EIPR1: variants seen among roughly 807,000 people sequenced by gnomAD.
EIPR1 encodes EARP and GARP complex-interacting protein 1.
In EIPR1, 25 loss-of-function variants were observed where a neutral mutation model predicts 48.1. That is an observed-to-expected ratio of 0.52 (90% confidence interval 0.38 to 0.73). The LOEUF is 0.73. Ranked by LOEUF, EIPR1 falls within the 30% of genes least tolerant of loss-of-function variation. The pLI, the probability that EIPR1 is intolerant of heterozygous loss-of-function variation, is 0.00. For synonymous variants in EIPR1, 204 were observed against 201.9 expected, an observed-to-expected ratio of 1.01 and a Z score of -0.09; for missense variants, 415 against 506.2, an observed-to-expected ratio of 0.82 and a Z score of 1.73.
At chr2:3,311,565 CA>C (rs930661340) in intron 3 of EIPR1, among the ~76,000 whole-genome samples, 2 of 152,132 alleles carry the variant, frequency 1.3e-5, no homozygotes, top group African/African-American at 4.8e-5. Flanking sequence ...TCATTTAGTT[CA>C]AAAAATGTTG....
rs1193596792 is a variant in EIPR1 at position 3,312,533 on chromosome 2, CT to C, written c.259+25483del. Among the ~76,000 whole-genome samples, 10 of 152,298 alleles carry C rather than the reference CT, an allele frequency of 6.6e-5. No homozygotes were observed. The highest frequency in any genetic ancestry group is 6.5e-4 in the Admixed American group (10 of 15,308). ...GTTCCCATGGTCCTCCCAAGGCTCC[CT>C]CCCACCACTCAGCACCTGCTCATCA... is the stretch of plus-strand genomic sequence containing the variant. On this transcript the variant is annotated intron_variant, in intron 3 of 8. Transcript: ENST00000382125. The surrounding 1 kb of genome is among the most constrained non-coding windows in gnomAD (Gnocchi z 5.5).
At chr2:3,340,822 C>A (rs971398730) in intron 2 of EIPR1, among the ~76,000 whole-genome samples, 1 of 152,044 alleles carries the variant, frequency 6.6e-6, no homozygotes, top group African/African-American at 2.4e-5. Context: ...GTAGGCCAGG[C>A]GCGGTGGCTG....
At chr2:3,205,143 C>T (rs756106311) in intron 5 of EIPR1, among the ~76,000 whole-genome samples, 1 of 152,138 alleles carries the variant, frequency 6.6e-6, no homozygotes, top group Non-Finnish European at 1.5e-5. Flanking sequence ...GGTTGTGCAC[C>T]CTGGGCTGCA....
chr2:3,281,269 C>T (rs918779246), intron 3 of EIPR1, among the ~76,000 whole-genome samples: 2 of 151,962 alleles, frequency 1.3e-5, no homozygotes, highest in African/African-American at 4.8e-5. Context: ...GGGACCTGCC[C>T]TCCTTCTCGG....
chr2:3,318,749 C>A, intron 3 of EIPR1: 1 of 436,828 alleles, frequency 2.3e-6, no homozygotes, highest in Non-Finnish European at 4.8e-6. Context: ...CACACCGTTC[C>A]AAACTCTGAA....
At chr2:3,269,800 G>C (rs1667649148) in intron 3 of EIPR1, among the ~76,000 whole-genome samples, 1 of 152,238 alleles carries the variant, frequency 6.6e-6, no homozygotes, top group Non-Finnish European at 1.5e-5. Flanking sequence ...AGCAGGTCCT[G>C]AGGCACAGGC....
At chr2:3,255,396 T>C (rs1339516579) in intron 4 of EIPR1, among the ~76,000 whole-genome samples, 1 of 152,228 alleles carries the variant, frequency 6.6e-6, no homozygotes, top group Non-Finnish European at 1.5e-5. Context: ...TTGGCCAGGC[T>C]GGTCTCGAAC....
At chr2:3,230,424 G>A (rs548163571) in intron 4 of EIPR1, among the ~76,000 whole-genome samples, 10 of 152,258 alleles carry the variant, frequency 6.6e-5, no homozygotes, top group South Asian at 6.2e-4. Flanking sequence ...TTTTCCCATC[G>A]GGGATGCTGA....
intron 1 of EIPR1, among the ~76,000 whole-genome samples, chr2:3,376,230 A>G (rs979250968): frequency 2.0e-5 from 3 of 152,236 alleles, no homozygotes; most frequent in African/African-American, 4.8e-5. Context: ...ATTTAATTTC[A>G]TAACAGCCAT....
At chr2:3,326,630 C>T (rs1286378233) in intron 3 of EIPR1, among the ~76,000 whole-genome samples, 2 of 152,168 alleles carry the variant, frequency 1.3e-5, no homozygotes, top group Non-Finnish European at 2.9e-5. Flanking sequence ...AGAAGCGAGA[C>T]AGAGAAAGGG....
chr2:3,272,121 C>T (rs1667717975), intron 3 of EIPR1, among the ~76,000 whole-genome samples: 1 of 152,234 alleles, frequency 6.6e-6, no homozygotes, highest in African/African-American at 2.4e-5. Flanking sequence ...TCTCACTCCT[C>T]TCAGCCTTCA....
At chr2:3,296,668 C>T (rs1249126977) in intron 3 of EIPR1, among the ~76,000 whole-genome samples, 3 of 151,662 alleles carry the variant, frequency 2.0e-5, no homozygotes, top group Non-Finnish European at 2.9e-5. Context: ...TCTACACACA[C>T]ACCCTCCATC....
chr2:3,339,110 T>A (rs1307192021), intron 2 of EIPR1, among the ~76,000 whole-genome samples: 1 of 152,216 alleles, frequency 6.6e-6, no homozygotes, highest in Admixed American at 6.5e-5. Context: ...TGGAACGATG[T>A]AATATATGTT....
intron 4 of EIPR1, 41 bp from the exon 5 acceptor site, chr2:3,214,289 G>C: frequency 6.3e-7 from 1 of 1,578,132 alleles, no homozygotes; most frequent in Non-Finnish European, 8.7e-7. Context: ...ATAAACATTT[G>C]AGATACCCAG....
chr2:3,372,432 T>C (rs1572494835), intron 1 of EIPR1, among the ~76,000 whole-genome samples: 1 of 151,086 alleles, frequency 6.6e-6, no homozygotes, highest in African/African-American at 2.4e-5. Flanking sequence ...AAAAAATTAA[T>C]GAATCCAGGA....
intron 4 of EIPR1, among the ~76,000 whole-genome samples, chr2:3,220,603 T>C (rs1253284026): frequency 3.3e-5 from 5 of 151,916 alleles, no homozygotes; most frequent in Admixed American, 3.3e-4. Flanking sequence ...TATTTGTGCA[T>C]GTGTACATTT....
At chr2:3,208,763 G>T (rs1311559091) in intron 5 of EIPR1, 1 of 1,548,488 alleles carries the variant, frequency 6.5e-7, no homozygotes, top group African/African-American at 1.4e-5. Context: ...GAGGCCCGTG[G>T]CGAGTCCTTC....
At chr2:3,235,443 T>TGC (rs1455617573) in intron 4 of EIPR1, among the ~76,000 whole-genome samples, 348 of 42,448 alleles carry the variant, frequency 8.2e-3, no homozygotes, top group Middle Eastern at 0.037. Context: ...CACACACGCG[T>TGC]GCGCGCACAC....
intron 3 of EIPR1, among the ~76,000 whole-genome samples, chr2:3,284,222 C>T (rs1398906829): frequency 8.7e-5 from 12 of 138,056 alleles, no homozygotes; most frequent in South Asian, 2.4e-4. Context: ...GGCCGGAGGC[C>T]GCCCACAGGC....
Sources: gnomAD v4.1 joint callset for allele counts (sites outside exome capture counted in the v4.1 genomes callset) on GRCh38, gnomAD v4.1.1 for gene constraint, Gnocchi (gnomAD v3.1) non-coding constraint, MANE v1.5 for transcripts, NCBI Gene and HGNC (gene_info 2026-07-23, HGNC 2026-07-21) for gene names.